VPS13B: variants seen among roughly 807,000 people sequenced by gnomAD.
VPS13B encodes the protein vacuolar protein sorting 13 homolog B, also known as intermembrane lipid transfer protein VPS13B.
VPS13B carries 285 observed loss-of-function variants against 426.4 expected under a neutral mutation model. That is an observed-to-expected ratio of 0.67 (90% CI 0.61 to 0.74). VPS13B has a LOEUF of 0.74. Among genes scored for constraint, VPS13B ranks in the 30% least tolerant of loss-of-function variants. The pLI, the probability that VPS13B is intolerant of heterozygous loss-of-function variation, is 0.00. For missense variants in VPS13B, 4,537 were observed against 4,782.6 expected, an observed-to-expected ratio of 0.95 and a Z score of 1.51; for synonymous variants, 1,676 against 1,676.4, an observed-to-expected ratio of 1.00 and a Z score of 0.01.
chr8:99,150,595 T>TAAAA (rs1811019038), intron 14 of VPS13B, among the ~76,000 whole-genome samples: 1 of 152,224 alleles, frequency 6.6e-6, no homozygotes, highest in African/African-American at 2.4e-5. Context: ...GTCCTCACAG[T>TAAAA]TTTGCCTTTT....
intron 30 of VPS13B, among the ~76,000 whole-genome samples, chr8:99,553,548 G>A (rs1487507788): frequency 6.6e-6 from 1 of 151,984 alleles, no homozygotes; most frequent in African/African-American, 2.4e-5. Flanking sequence ...GGTACTTTAT[G>A]AATAGTTTTT....
intron 17 of VPS13B, among the ~76,000 whole-genome samples, chr8:99,246,244 C>T (rs1014843643): frequency 1.3e-5 from 2 of 152,200 alleles, no homozygotes; most frequent in Non-Finnish European, 2.9e-5. Flanking sequence ...CCTTCAGGCC[C>T]TACACCATAC....
At chr8:99,177,223 C>CT (rs1022647663) in intron 16 of VPS13B, among the ~76,000 whole-genome samples, 4 of 151,974 alleles carry the variant, frequency 2.6e-5, no homozygotes, top group Admixed American at 6.6e-5. Context: ...TTGCCTTTGA[C>CT]TTTTTTTTAT....
chr8:99,111,355 A>G, intron 6 of VPS13B, 76 bp downstream of exon 6: 1 of 1,232,510 alleles, frequency 8.1e-7, no homozygotes, highest in Non-Finnish European at 1.1e-6. Context: ...GCTAATCATT[A>G]TTAACAAATG....
intron 35 of VPS13B, among the ~76,000 whole-genome samples, chr8:99,685,487 T>C (rs1243998013): frequency 6.6e-6 from 1 of 152,200 alleles, no homozygotes; most frequent in Non-Finnish European, 1.5e-5. Flanking sequence ...GGCTTTAATA[T>C]TGAGGTCTCC....
chr8:99,857,962 G>A (rs759944943), intron 56 of VPS13B, among the ~76,000 whole-genome samples: 3 of 152,172 alleles, frequency 2.0e-5, no homozygotes, highest in Non-Finnish European at 4.4e-5. Context: ...AAATTTAAGA[G>A]CGTCCCTCTC....
intron 2 of VPS13B, among the ~76,000 whole-genome samples, chr8:99,036,474 C>T (rs1011264448): frequency 1.3e-5 from 2 of 152,138 alleles, no homozygotes; most frequent in African/African-American, 4.8e-5. Context: ...TTATAACAAT[C>T]ATCATTTGTG....
intron 31 of VPS13B, among the ~76,000 whole-genome samples, chr8:99,569,723 T>C (rs1170425033): frequency 6.6e-6 from 1 of 152,206 alleles, no homozygotes; most frequent in East Asian, 1.9e-4. Flanking sequence ...ATGTGTTTTC[T>C]TGAGTGCATG....
chr8:99,825,233 A>G (rs1392058216), intron 51 of VPS13B, among the ~76,000 whole-genome samples: 1 of 152,196 alleles, frequency 6.6e-6, no homozygotes, highest in Non-Finnish European at 1.5e-5. Flanking sequence ...CCTCTCCAGC[A>G]TCTGTTGTTT....
chr8:99,174,792 A>C (rs1563583545), intron 16 of VPS13B, among the ~76,000 whole-genome samples: 1 of 152,184 alleles, frequency 6.6e-6, no homozygotes, highest in East Asian at 1.9e-4. Context: ...TAGAGAATAA[A>C]CATTCTCTTA....
intron 21 of VPS13B, 31 bp from the exon 22 acceptor site, chr8:99,431,506 C>T: frequency 6.2e-7 from 1 of 1,611,420 alleles, no homozygotes; most frequent in Non-Finnish European, 8.5e-7. Flanking sequence ...AGTTATGTTT[C>T]TATTAAATAA....
chr8:99,161,205 G>T (rs1811632305), intron 15 of VPS13B, among the ~76,000 whole-genome samples: 1 of 152,116 alleles, frequency 6.6e-6, no homozygotes, highest in African/African-American at 2.4e-5. Context: ...ACATAGAAGT[G>T]TACAATTTTA....
Position 99,029,123 on chromosome 8 carries a change from T to A in VPS13B, c.148-9300T>A, listed in dbSNP as rs1441025954. Reference sequence around the variant, plus strand: ...CAGGGTTGCGGCCGGGCAGAGGCGCTCCTCACATCCCAGACAGGGCGGCGG... The same window carrying A: ...CAGGGTTGCGGCCGGGCAGAGGCGCACCTCACATCCCAGACAGGGCGGCGG... On this transcript the variant is annotated intron_variant, in intron 2 of 61. Transcript: ENST00000357162. Among the ~76,000 whole-genome samples the A allele has an allele frequency of 3.8e-5, 5 of 131,256 alleles. No homozygotes were observed. In the Admixed American group the frequency reaches 3.8e-4, roughly 10 times the overall value. 86.1% of individuals were successfully genotyped at this position (131,256 alleles called of 152,430 possible). A position where few individuals can be genotyped will look rare whatever the true frequency, so the allele number is the denominator to read the frequency against.
chr8:99,613,180 G>A (rs1827916292), intron 33 of VPS13B, among the ~76,000 whole-genome samples: 1 of 152,166 alleles, frequency 6.6e-6, no homozygotes. Flanking sequence ...GTCTCAAAAT[G>A]TGACTATGTT....
At chr8:99,299,966 C>G (rs532385477) in intron 19 of VPS13B, among the ~76,000 whole-genome samples, 1 of 152,102 alleles carries the variant, frequency 6.6e-6, no homozygotes, top group East Asian at 1.9e-4. Context: ...AGTAGCTTGC[C>G]TTGTTGTGTT....
At chr8:99,233,336 TG>T in intron 17 of VPS13B, 1 of 1,070,366 alleles carries the variant, frequency 9.3e-7, no homozygotes. Flanking sequence ...ACTTCTTCTT[TG>T]GGGTTAAAGA....
chr8:99,705,047 C>T (rs1348199704), intron 36 of VPS13B, among the ~76,000 whole-genome samples: 1 of 152,084 alleles, frequency 6.6e-6, no homozygotes, highest in East Asian at 1.9e-4. Context: ...TGACACCTCC[C>T]CTCCCAGGAC....
intron 19 of VPS13B, among the ~76,000 whole-genome samples, chr8:99,296,317 A>G (rs1820039915): frequency 6.6e-6 from 1 of 152,194 alleles, no homozygotes; most frequent in Non-Finnish European, 1.5e-5. Context: ...TAAATTTTTA[A>G]TAAACTTTTT....
intron 21 of VPS13B, among the ~76,000 whole-genome samples, chr8:99,400,339 T>A (rs1216290803): frequency 6.6e-6 from 1 of 152,216 alleles, no homozygotes; most frequent in Non-Finnish European, 1.5e-5. Flanking sequence ...TCAGCACAGC[T>A]GAGGCAGGCT....
Sources: gnomAD v4.1 joint callset for allele counts (sites outside exome capture counted in the v4.1 genomes callset) on GRCh38, gnomAD v4.1.1 for gene constraint, MANE v1.5 for transcripts, NCBI Gene and HGNC (gene_info 2026-07-23, HGNC 2026-07-21) for gene names.